Variants in UGT8 observed in about 807,000 individuals in gnomAD.
UGT8 encodes UDP glycosyltransferase 8, also known as 2-hydroxyacylsphingosine 1-beta-galactosyltransferase.
A neutral mutation model predicts 40.5 loss-of-function variants in UGT8; 12 were observed. The observed-to-expected ratio is 0.30, with a 90% CI of 0.19 to 0.48. UGT8 has a LOEUF of 0.48. UGT8 is among the 20% of genes least tolerant of loss of function. The pLI is 0.99. For synonymous variants in UGT8, 224 were observed against 240.4 expected (o/e 0.93, Z 0.63); for missense variants, 513 against 648.7 (o/e 0.79, Z 2.27).
chr4:114,637,513 GATCT>G (rs1195601779), intron 2 of UGT8, among the ~76,000 whole-genome samples: 7 of 152,132 alleles, frequency 4.6e-5, no homozygotes, highest in African/African-American at 1.7e-4. Flanking sequence ...GAAAACCAAA[GATCT>G]AGAGTTTTGG....
chr4:114,619,516 T>A (rs1486590220), intron 1 of UGT8: 4 of 152,070 alleles, frequency 2.6e-5, no homozygotes, highest in Non-Finnish European at 4.4e-5. Context: ...AGAAAAACAA[T>A]ACTATTTTGG....
At chr4:114,619,264 T>A (rs78590750) in intron 1 of UGT8, among the ~76,000 whole-genome samples, 1,937 of 152,246 alleles carry the variant, frequency 0.013, 29 homozygotes, top group African/African-American at 0.035. Flanking sequence ...TTAGAAAATA[T>A]TCCTGTGTAT....
At position 114,642,666 on chromosome 4, in the gene UGT8, T is replaced by G. The variant is rs75741506; in HGVS notation, c.822+18964T>G. Among the ~76,000 whole-genome samples the G allele has an allele frequency of 7.8e-3, 1,182 of 152,264 alleles. 15 individuals carry two copies. Among genetic ancestry groups the G allele is most frequent in the African/African-American group, 0.027 (1,125 of 41,554 alleles). ...CTCATTTTATTTATTTCATCTTTCT[T>G]GTAGCTGTTTTAGTTTGTAAGCAAT... On this transcript the variant is annotated intron_variant, in intron 2 of 5. Coordinates refer to ENST00000310836, the MANE Select transcript of UGT8 (RefSeq NM_001128174.3).
At chr4:114,675,533 G>T (rs1735572090) in intron 5 of UGT8, among the ~76,000 whole-genome samples, 1 of 151,848 alleles carries the variant, frequency 6.6e-6, no homozygotes, top group East Asian at 1.9e-4. Context: ...GAGGTCAGGA[G>T]ATTGAGACCA....
intron 2 of UGT8, among the ~76,000 whole-genome samples, chr4:114,661,121 T>C (rs376514212): frequency 1.3e-5 from 2 of 152,140 alleles, no homozygotes; most frequent in East Asian, 3.9e-4. Context: ...TTCTGTTAGG[T>C]TTATTTGTAG....
At chr4:114,656,995 AC>A (rs1734232681) in intron 2 of UGT8, 1 of 306,868 alleles carries the variant, frequency 3.3e-6, no homozygotes, top group Non-Finnish European at 6.3e-6. Flanking sequence ...TCAAATAGTG[AC>A]CCAGAAATTA....
At chr4:114,645,697 C>G (rs1474457351) in intron 2 of UGT8, among the ~76,000 whole-genome samples, 2 of 152,066 alleles carry the variant, frequency 1.3e-5, no homozygotes, top group Non-Finnish European at 2.9e-5. Context: ...GAATATATAC[C>G]AATGACCTTA....
At chr4:114,642,702 C>T (rs1027661361) in intron 2 of UGT8, among the ~76,000 whole-genome samples, 5 of 151,904 alleles carry the variant, frequency 3.3e-5, no homozygotes, top group African/African-American at 4.8e-5. Context: ...AGGATTTGTT[C>T]GCTTGTCATT....
chr4:114,641,022 A>G (rs1045492935), intron 2 of UGT8, among the ~76,000 whole-genome samples: 1 of 152,178 alleles, frequency 6.6e-6, no homozygotes, highest in African/African-American at 2.4e-5. Context: ...GTCATAGAGT[A>G]TTTCTGTGGA....
chr4:114,625,795 T>G (rs1243743881), intron 2 of UGT8, among the ~76,000 whole-genome samples: 1 of 152,156 alleles, frequency 6.6e-6, no homozygotes, highest in Non-Finnish European at 1.5e-5. Flanking sequence ...AAACATCTTT[T>G]TAGTGGTTTT....
intron 2 of UGT8, among the ~76,000 whole-genome samples, chr4:114,646,525 T>G (rs1023604243): frequency 6.6e-6 from 1 of 152,112 alleles, no homozygotes. Flanking sequence ...AAAATTATTT[T>G]CCAAAAGTAG....
intron 1 of UGT8, among the ~76,000 whole-genome samples, chr4:114,610,691 G>A (rs1730987689): frequency 6.6e-6 from 1 of 152,044 alleles, no homozygotes; most frequent in Non-Finnish European, 1.5e-5. Flanking sequence ...TATAAAATAG[G>A]GAAGTTTGTT....
At chr4:114,643,982 C>T (rs1041840820) in intron 2 of UGT8, among the ~76,000 whole-genome samples, 1 of 152,142 alleles carries the variant, frequency 6.6e-6, no homozygotes, top group Non-Finnish European at 1.5e-5. Flanking sequence ...TGAACAATTG[C>T]AGCGCCTACT....
intron 3 of UGT8, among the ~76,000 whole-genome samples, chr4:114,664,801 T>C (rs1395986239): frequency 6.6e-6 from 1 of 152,196 alleles, no homozygotes; most frequent in Admixed American, 6.5e-5. Flanking sequence ...GTACTACCAC[T>C]GTTGAACTCT....
At chr4:114,629,691 A>G (rs1732452960) in intron 2 of UGT8, among the ~76,000 whole-genome samples, 2 of 152,190 alleles carry the variant, frequency 1.3e-5, no homozygotes, top group South Asian at 4.1e-4. Context: ...ACTGATACAA[A>G]AATTTTCTAA....
intron 1 of UGT8, among the ~76,000 whole-genome samples, chr4:114,603,927 A>G (rs769030031): frequency 1.3e-5 from 2 of 152,212 alleles, no homozygotes; most frequent in African/African-American, 2.4e-5. Context: ...AGAGTGATTG[A>G]AAATATATTT....
intron 1 of UGT8, among the ~76,000 whole-genome samples, chr4:114,599,522 G>A (rs1730308069): frequency 6.6e-6 from 1 of 152,186 alleles, no homozygotes; most frequent in Non-Finnish European, 1.5e-5. Context: ...TCTTGGGGCT[G>A]TACAAGCTCG....
intron 5 of UGT8, among the ~76,000 whole-genome samples, chr4:114,674,024 C>T (rs777196201): frequency 6.6e-6 from 1 of 151,796 alleles, no homozygotes; most frequent in Non-Finnish European, 1.5e-5. Flanking sequence ...TTTTTTCTCT[C>T]ACTCCTAACA....
At chr4:114,615,309 A>AG (rs1731337964) in intron 1 of UGT8, among the ~76,000 whole-genome samples, 1 of 152,130 alleles carries the variant, frequency 6.6e-6, no homozygotes, top group African/African-American at 2.4e-5. Context: ...CTGGTAATGC[A>AG]GGGGGAAGGC....
Sources: allele counts gnomAD v4.1 joint callset (sites outside exome capture counted in the v4.1 genomes callset), GRCh38; gene constraint gnomAD v4.1.1; transcripts MANE v1.5; gene names NCBI Gene and HGNC (gene_info 2026-07-23, HGNC 2026-07-21).